Variants in CREBBP observed in about 807,000 individuals in gnomAD.
CREBBP encodes the protein CREB binding lysine acetyltransferase.
CREBBP carries 19 observed loss-of-function variants against 265.0 expected under a neutral mutation model. The observed-to-expected ratio is 0.07, with a 90% CI of 0.05 to 0.11. The LOEUF is 0.11. CREBBP is among the 10% of genes least tolerant of loss of function. CREBBP has a pLI of 1.00. For synonymous variants in CREBBP, 1,457 were observed against 1,223.7 expected (o/e 1.19, Z -3.98); for missense variants, 2,525 against 3,219.0 (o/e 0.78, Z 5.22).
intron 2 of CREBBP, among the ~76,000 whole-genome samples, chr16:3,838,605 G>A (rs1347648228): frequency 2.0e-5 from 3 of 152,176 alleles, no homozygotes; most frequent in African/African-American, 4.8e-5. Context: ...AAGACTGGTA[G>A]AGAAAACATC....
Position 3,727,095 on chromosome 16 carries a change from C to G in CREBBP, c.*623G>C, listed in dbSNP as rs778506909. The G allele has an allele frequency of 4.3e-6, 1 of 233,904 alleles. No homozygotes were observed. Among genetic ancestry groups the G allele is most frequent in the Admixed American group, 5.6e-5 (1 of 17,800 alleles). The allele number at this position is 233,904 out of a possible 1,614,324, so 14.5% of individuals were successfully genotyped here. A position where few individuals can be genotyped will look rare whatever the true frequency, so the allele number is the denominator to read the frequency against. ...CAGAGAAACAAAGCAACAATTTCTA[C>G]ATCTGCAAGACAAGTTTGGCTTCAG... is the stretch of plus-strand genomic sequence containing the variant. On this transcript the variant is annotated 3_prime_UTR_variant, in exon 31 of 31. Coordinates refer to ENST00000262367, the MANE Select transcript of CREBBP (RefSeq NM_004380.3).
At position 3,774,878 on chromosome 16, in the gene CREBBP, G is replaced by C. The variant is rs1028126033; in HGVS notation, c.2159-185C>G. ...AGACTTCTCCATATCCAGAGAAAAC[G>C]GCATCAATGTGGGGGTGGTGACGGT... On this transcript the variant is annotated intron_variant, in intron 11 of 30. Coordinates refer to ENST00000262367, the MANE Select transcript of CREBBP (RefSeq NM_004380.3). The C allele has an allele frequency of 1.0e-5, 8 of 789,736 alleles. No homozygotes were observed. In the East Asian group the frequency reaches 2.2e-4, roughly 22 times the overall value. 48.9% of individuals were successfully genotyped at this position (789,736 alleles called of 1,614,324 possible).
rs1214544318 is a variant in CREBBP, at chr16:3,758,986, A to G, written c.3251-14T>C. The G allele has an allele frequency of 6.3e-7, 1 of 1,583,520 alleles. No homozygotes were observed. On this transcript the variant is annotated splice_polypyrimidine_tract_variant and intron_variant, in intron 16 of 30. Coordinates refer to ENST00000262367, the MANE Select transcript of CREBBP (RefSeq NM_004380.3). ...CTGGTTTAAAGACTGCAGAGAAAAC[A>G]TCAAGAAAAGACACTTTGTAAAAGG...
Position 3,782,740 on chromosome 16 carries a change from C to A in CREBBP, c.1517G>T (p.Gly506Val). The A allele has an allele frequency of 6.2e-7, 1 of 1,614,110 alleles. No individual in the cohort carries two copies. The highest frequency in any genetic ancestry group is 8.5e-7 in the Non-Finnish European group (1 of 1,180,028). ...GGTTTGAGGCTGTGCTGGTTGCTGGCCAGGAACCTGAGGCTGCAGCTGCGT... is the reference window on the plus strand; with the variant it reads ...GGTTTGAGGCTGTGCTGGTTGCTGGACAGGAACCTGAGGCTGCAGCTGCGT... ...PQTQLQPQVP[G>V]QQPAQPQTHQ... The change falls in exon 6 of 31, where the codon GGC (glycine) becomes GTC (valine). Residue 506 changes from glycine to valine, a missense_variant. By Grantham distance (109) the Gly-to-Val change is moderately radical. This residue lies in a region of CREBBP where 144 missense variants were observed against 134.0 expected (regional missense o/e 1.07). Coordinates refer to ENST00000262367, the MANE Select transcript of CREBBP (RefSeq NM_004380.3).
Position 3,850,612 on chromosome 16 carries a change from C to T in CREBBP, c.483G>A (p.Leu161=), listed in dbSNP as rs2054811738. 6.2e-7 allele frequency: 1 copy of T among 1,614,122 alleles called. No homozygotes were observed. Among genetic ancestry groups the T allele is most frequent in the Admixed American group, 1.7e-5 (1 of 60,016 alleles). ...GTGACGTGGCAGGGCTGCTAGTCGC[C>T]AGCCCCACTTGCTTTTGTGCTTGCG... The part of the protein sequence containing the change: ...LNPQAQKQVG[L]ATSSPATSQT... The change falls in exon 2 of 31, where the codon CTG becomes CTA. Residue 161 remains leucine, a synonymous_variant. Coordinates refer to ENST00000262367, the MANE Select transcript of CREBBP (RefSeq NM_004380.3).
At chr16:3,789,518 C>T (rs965649544) in intron 5 of CREBBP, among the ~76,000 whole-genome samples, 1 of 152,168 alleles carries the variant, frequency 6.6e-6, no homozygotes, top group Non-Finnish European at 1.5e-5. Flanking sequence ...GTCACCCTTA[C>T]GTTATTTTTA....
chr16:3,856,485 T>TA (rs1300889861), intron 1 of CREBBP, among the ~76,000 whole-genome samples: 2 of 152,004 alleles, frequency 1.3e-5, no homozygotes, highest in African/African-American at 2.4e-5. Context: ...GCCAGCTAAT[T>TA]AAAAAAATTT....
chr16:3,741,051 T>C (rs2052193239), intron 23 of CREBBP: 1 of 226,744 alleles, frequency 4.4e-6, no homozygotes, highest in Non-Finnish European at 8.8e-6. Flanking sequence ...GCTGGCAAAG[T>C]ATTGGTGTCC....
chr16:3,794,530 C>G (rs2053570823), intron 3 of CREBBP, among the ~76,000 whole-genome samples: 1 of 152,116 alleles, frequency 6.6e-6, no homozygotes, highest in Non-Finnish European at 1.5e-5. Flanking sequence ...TGACAGTTAG[C>G]CTTAATACAA....
At chr16:3,877,661 T>C (rs2055431638) in intron 1 of CREBBP, among the ~76,000 whole-genome samples, 1 of 152,218 alleles carries the variant, frequency 6.6e-6, no homozygotes, top group Non-Finnish European at 1.5e-5. Flanking sequence ...AGCCTCCGCC[T>C]CCCAAAGTGC....
At chr16:3,740,591 A>G (rs1567273132) in intron 23 of CREBBP, 42 bp from the exon 24 acceptor site, 7 of 1,612,232 alleles carry the variant, frequency 4.3e-6, no homozygotes, top group South Asian at 3.3e-5. Context: ...CTTCAACAGC[A>G]CTGCTGAGAC....
chr16:3,812,885 G>C (rs1407611322), intron 2 of CREBBP: 1 of 195,170 alleles, frequency 5.1e-6, no homozygotes, highest in Non-Finnish European at 1.1e-5. Context: ...AAACCTCCCA[G>C]GGGTGAGTTT....
chr16:3,790,944 C>T (rs1418276677), intron 5 of CREBBP, among the ~76,000 whole-genome samples: 1 of 152,148 alleles, frequency 6.6e-6, no homozygotes, highest in Non-Finnish European at 1.5e-5. Context: ...AGAAAAGCAG[C>T]ACATGTTCTC....
intron 13 of CREBBP, 131 bp from the exon 14 acceptor site, chr16:3,771,117 G>A: frequency 1.1e-6 from 1 of 931,084 alleles, no homozygotes; most frequent in Non-Finnish European, 1.7e-6. Context: ...CGCCCAGGCT[G>A]CAATGCAATG....
At chr16:3,737,628 CATT>C (rs1377846335) in intron 26 of CREBBP, among the ~76,000 whole-genome samples, 1 of 151,530 alleles carries the variant, frequency 6.6e-6, no homozygotes, top group Non-Finnish European at 1.5e-5. Context: ...ACGCCTGGCT[CATT>C]TTTTGTATTT....
intron 21 of CREBBP, chr16:3,745,689 C>T: frequency 2.5e-6 from 1 of 405,144 alleles, no homozygotes. Flanking sequence ...TACACATTTG[C>T]AAGAACAATG....
At chr16:3,846,190 C>G (rs767718541) in intron 2 of CREBBP, among the ~76,000 whole-genome samples, 7 of 152,034 alleles carry the variant, frequency 4.6e-5, no homozygotes, top group Non-Finnish European at 7.4e-5. Context: ...ATTCAAGAGA[C>G]AAATGGACAA....
In CREBBP at chr16:3,822,649, G is replaced by C. The variant is rs1050652151; in HGVS notation, c.799-11870C>G. ...GAGGAGGACTGCAGCAGCCAAAGAA[G>C]ATCTTGCCCAGCTTATTAAATGCCA... is the stretch of plus-strand genomic sequence containing the variant. On this transcript the variant is annotated intron_variant, in intron 2 of 30. Transcript: ENST00000262367. Among the ~76,000 whole-genome samples the C allele has an allele frequency of 5.3e-5, 8 of 152,178 alleles. No individual in the cohort carries two copies. The South Asian group carries it at 1.0e-3, about 20-fold the overall frequency.
At chr16:3,873,977 TG>T (rs2055349812) in intron 1 of CREBBP, among the ~76,000 whole-genome samples, 1 of 152,112 alleles carries the variant, frequency 6.6e-6, no homozygotes, top group South Asian at 2.1e-4. Flanking sequence ...AGGGAAGTGC[TG>T]GGAAGAGGGC....
Sources: gnomAD v4.1 joint callset for allele counts (sites outside exome capture counted in the v4.1 genomes callset) on GRCh38, gnomAD v4.1.1 for gene constraint, gnomAD v4.1.1 regional missense constraint, MANE v1.5 for transcripts, NCBI Gene and HGNC (gene_info 2026-07-23, HGNC 2026-07-21) for gene names.